The following TENM1 variants were observed in gnomAD, a reference collection of about 807,000 sequenced individuals.
The protein encoded by TENM1 is teneurin transmembrane protein 1.
TENM1 carries 35 observed loss-of-function variants against 174.8 expected under a neutral mutation model. That is an observed-to-expected ratio of 0.20 (90% CI 0.15 to 0.27). The LOEUF is 0.27. TENM1 is among the 10% of genes least tolerant of loss of function. The pLI, the probability that TENM1 is intolerant of heterozygous loss-of-function variation, is 1.00. For synonymous variants in TENM1, 781 were observed against 798.7 expected, an observed-to-expected ratio of 0.98 and a Z score of 0.37; for missense variants, 1,633 against 2,130.1, an observed-to-expected ratio of 0.77 and a Z score of 4.59.
chrX:124,395,421 GAA>G lies in TENM1; in HGVS notation c.5392-3075_5392-3074del, dbSNP rs146691491. Among the ~76,000 whole-genome samples the G allele has an allele frequency of 5.3e-5, 5 of 95,013 alleles. No individual in the cohort carries two copies. In the East Asian group the frequency reaches 9.6e-4, roughly 18 times the overall value. 82.5% of individuals were successfully genotyped at this position (95,013 alleles called of 115,157 possible). A position where few individuals can be genotyped will look rare whatever the true frequency, so the allele number is the denominator to read the frequency against. ...TATTTGCCCTTAATTTTGAACTTCT[GAA>G]AAAAAAAAAAAGAAGACCTACCAAA... is the stretch of plus-strand genomic sequence containing the variant. On this transcript the variant is annotated intron_variant, in intron 27 of 31. Coordinates refer to ENST00000422452, the Ensembl canonical transcript of TENM1.
chrX:124,900,764 A>AT (rs1334151432), intron 1 of TENM1, among the ~76,000 whole-genome samples: 1 of 103,249 alleles, frequency 9.7e-6, no homozygotes, highest in East Asian at 3.0e-4. Flanking sequence ...TGCATGATTT[A>AT]TTTTTTCTTT....
At chrX:124,442,638 G>C (rs1329731611) in intron 23 of TENM1, among the ~76,000 whole-genome samples, 1 of 111,743 alleles carries the variant, frequency 8.9e-6, no homozygotes, top group Admixed American at 9.5e-5. Context: ...AGTTTAAGAA[G>C]GGGAAAAGAA....
At chrX:124,677,022 T>C (rs1482238540) in intron 5 of TENM1, among the ~76,000 whole-genome samples, 1 of 110,985 alleles carries the variant, frequency 9.0e-6, no homozygotes, top group African/African-American at 3.3e-5. Context: ...GAAGACTTGA[T>C]ATAAAAGAAA....
intron 3 of TENM1, among the ~76,000 whole-genome samples, chrX:124,841,492 T>C (rs1307635133): frequency 9.0e-6 from 1 of 111,040 alleles, no homozygotes; most frequent in Middle Eastern, 4.3e-3. Context: ...GGAGTACCAA[T>C]CATGCACAAT....
chrX:124,622,250 C>T (rs958763429), intron 11 of TENM1, among the ~76,000 whole-genome samples: 1 of 111,496 alleles, frequency 9.0e-6, no homozygotes, highest in Non-Finnish European at 1.9e-5. Context: ...ATTCATAGGT[C>T]GAATATCAGC....
At chrX:124,435,177 A>G (rs2060823962) in intron 23 of TENM1, among the ~76,000 whole-genome samples, 1 of 111,625 alleles carries the variant, frequency 9.0e-6, no homozygotes, top group Non-Finnish European at 1.9e-5. Flanking sequence ...TCCTCTTGAG[A>G]TCCAAGGCTT....
the TENM1 span, among the ~76,000 whole-genome samples, chrX:125,098,136 C>T: frequency 2.7e-5 from 3 of 110,933 alleles, no homozygotes; most frequent in Non-Finnish European, 5.7e-5. Context: ...TGGTGGTGGG[C>T]GCCTGTACTC....
intron 24 of TENM1, 81 bp downstream of exon 27, chrX:124,422,191 T>G: frequency 9.0e-7 from 1 of 1,116,245 alleles, no homozygotes; most frequent in Non-Finnish European, 1.2e-6. Flanking sequence ...TTGCTTTTCC[T>G]TTTCCTTTTG....
At chrX:124,383,986 G>A (rs762907902) in exon 30 of TENM1, 1 of 1,209,883 alleles carries the variant, frequency 8.3e-7, no homozygotes, top group African/African-American at 1.7e-5. Flanking sequence ...CTTCACCACT[G>A]CTTAACTCCA....
chrX:124,826,072 A>G (rs989945921), intron 3 of TENM1, among the ~76,000 whole-genome samples: 2 of 111,499 alleles, frequency 1.8e-5, no homozygotes, highest in African/African-American at 6.5e-5. Context: ...TGCTGAAATA[A>G]TTTGAAATGT....
At chrX:125,199,120 T>C in the TENM1 span, among the ~76,000 whole-genome samples, 2 of 111,515 alleles carry the variant, frequency 1.8e-5, no homozygotes, top group African/African-American at 6.5e-5. Context: ...ATTTTTTCTT[T>C]CTCTTTTGAC....
the TENM1 span, among the ~76,000 whole-genome samples, chrX:124,987,701 TTGTGTGTGTGTGTG>T: frequency 2.0e-4 from 18 of 91,384 alleles, no homozygotes; most frequent in South Asian, 1.1e-3. Context: ...GTTCTGCATT[TTGTGTGTGTGTGTG>T]TGTGTGTGTG....
At chrX:124,734,659 T>A (rs1489695858) in intron 4 of TENM1, among the ~76,000 whole-genome samples, 1 of 110,875 alleles carries the variant, frequency 9.0e-6, no homozygotes, top group Admixed American at 9.6e-5. Context: ...TTGCAGTTTG[T>A]TGATGGTGAA....
intron 11 of TENM1, among the ~76,000 whole-genome samples, chrX:124,607,084 C>T (rs932654360): frequency 8.1e-5 from 9 of 110,672 alleles, no homozygotes; most frequent in African/African-American, 1.6e-4. Context: ...GCATTTGGTA[C>T]CTCAGATTTA....
chrX:124,979,206 C>A, the TENM1 span, among the ~76,000 whole-genome samples: 2 of 112,636 alleles, frequency 1.8e-5, no homozygotes, highest in Non-Finnish European at 3.7e-5. Flanking sequence ...ACTTTTATTA[C>A]CCACAGTCCA....
intron 3 of TENM1, among the ~76,000 whole-genome samples, chrX:124,887,588 G>A (rs1204071405): frequency 9.0e-6 from 1 of 111,576 alleles, no homozygotes; most frequent in African/African-American, 3.3e-5. Flanking sequence ...GAAAATATGA[G>A]CTTGTTATAT....
chrX:124,536,555 C>T (rs780875386), intron 15 of TENM1, among the ~76,000 whole-genome samples: 68 of 111,290 alleles, frequency 6.1e-4, no homozygotes, highest in Non-Finnish European at 8.7e-4. Context: ...GGTAGGGTGG[C>T]TATTTTCCCA....
chrX:124,975,898 A>G, the TENM1 span, among the ~76,000 whole-genome samples: 2 of 111,241 alleles, frequency 1.8e-5, no homozygotes, highest in Admixed American at 1.9e-4. Flanking sequence ...GAAGCTCTAG[A>G]CCCAACTTTA....
At chrX:124,672,976 T>C (rs1480107503) in intron 5 of TENM1, among the ~76,000 whole-genome samples, 2 of 112,158 alleles carry the variant, frequency 1.8e-5, no homozygotes, top group African/African-American at 6.5e-5. Flanking sequence ...ATGATTTCTG[T>C]GTTTTCCATA....
Sources: allele counts gnomAD v4.1 joint callset (sites outside exome capture counted in the v4.1 genomes callset), GRCh38; gene constraint gnomAD v4.1.1; transcripts MANE v1.5; gene names NCBI Gene and HGNC (gene_info 2026-07-23, HGNC 2026-07-21).